Variants in CLEC12A observed in about 807,000 individuals in gnomAD.
CLEC12A encodes the protein C-type lectin protein CLL-1.
CLEC12A carries 22 observed loss-of-function variants against 26.5 expected under a neutral mutation model. That is an observed-to-expected ratio of 0.83 (90% CI 0.59 to 1.19). The LOEUF is 1.19. Among genes scored for constraint, CLEC12A ranks in the 50% most tolerant of loss-of-function variants. CLEC12A has a pLI of 0.00. For synonymous variants in CLEC12A, 119 were observed against 101.9 expected, an observed-to-expected ratio of 1.17 and a Z score of -1.01; for missense variants, 353 against 315.6, an observed-to-expected ratio of 1.12 and a Z score of -0.90.
intron 1 of CLEC12A, among the ~76,000 whole-genome samples, chr12:9,972,604 C>A (rs571818693): frequency 1.0e-3 from 154 of 152,240 alleles, no homozygotes; most frequent in African/African-American, 3.6e-3. Context: ...TGCCAAAATT[C>A]TCACATATTA....
intron 4 of CLEC12A, among the ~76,000 whole-genome samples, chr12:9,994,607 A>T (rs1864985915): frequency 6.6e-6 from 1 of 152,108 alleles, no homozygotes. Context: ...TTGTAGAAGG[A>T]CAAAGCTTCG....
At chr12:9,953,652 G>C (rs1386885085) in intron 1 of CLEC12A, among the ~76,000 whole-genome samples, 25 of 144,820 alleles carry the variant, frequency 1.7e-4, no homozygotes, top group African/African-American at 5.4e-4. Flanking sequence ...CTGCCCGGCC[G>C]CCCCTACTGG....
At position 9,985,395 on chromosome 12, in the gene CLEC12A, G is replaced by A. The variant is rs542812000; in HGVS notation, c.*369G>A. The A allele has an allele frequency of 2.3e-4, 94 of 401,204 alleles. No individual in the cohort carries two copies. Among genetic ancestry groups the A allele is most frequent in the Middle Eastern group, 1.9e-3 (3 of 1,598 alleles). 24.9% of individuals were successfully genotyped at this position (401,204 alleles called of 1,614,324 possible). A position where few individuals can be genotyped will look rare whatever the true frequency, so the allele number is the denominator to read the frequency against. On this transcript the variant is annotated 3_prime_UTR_variant, in exon 6 of 6. Coordinates refer to ENST00000304361, the MANE Select transcript of CLEC12A (RefSeq NM_138337.6). ...GCAAATTTTAATTTTGTCCCACAGCGTTGCTAGGGTGGCATGGCTCCCCAT... is the reference window on the plus strand; with the variant it reads ...GCAAATTTTAATTTTGTCCCACAGCATTGCTAGGGTGGCATGGCTCCCCAT...
intron 4 of CLEC12A, among the ~76,000 whole-genome samples, chr12:9,981,397 T>C (rs896469441): frequency 6.6e-6 from 1 of 152,168 alleles, no homozygotes; most frequent in Non-Finnish European, 1.5e-5. Flanking sequence ...TTAAGCAAAA[T>C]TACCTTTTCT....
intron 1 of CLEC12A, among the ~76,000 whole-genome samples, chr12:9,963,098 T>C (rs890616504): frequency 2.0e-5 from 3 of 152,114 alleles, no homozygotes; most frequent in African/African-American, 7.2e-5. Flanking sequence ...ATGGCCTGGA[T>C]ACGGTTTTGT....
At chr12:9,978,110 G>A (rs980335110) in intron 1 of CLEC12A, among the ~76,000 whole-genome samples, 4 of 152,022 alleles carry the variant, frequency 2.6e-5, no homozygotes, top group Admixed American at 1.3e-4. Flanking sequence ...TCAACTATGA[G>A]ATGTAAGACA....
In CLEC12A at chr12:9,982,075, A is replaced by G; in HGVS notation, c.587A>G (p.Glu196Gly). 6.2e-7 allele frequency: 1 copy of G among 1,602,362 alleles called. No individual in the cohort carries two copies. Among genetic ancestry groups the G allele is most frequent in the Non-Finnish European group, 8.5e-7 (1 of 1,170,150 alleles). The change falls in exon 5 of 6, where the codon GAA becomes GGA. Residue 196 changes from glutamate to glycine, a missense_variant. Glu to Gly is a moderately conservative substitution (Grantham distance 98). Coordinates refer to ENST00000304361, the MANE Select transcript of CLEC12A (RefSeq NM_138337.6). ...GACTATTGGCTGGGATTATCTCCTGAAGAAGATTCCACTCGTGGTATGAGA... is the reference window on the plus strand; with the variant it reads ...GACTATTGGCTGGGATTATCTCCTGGAGAAGATTCCACTCGTGGTATGAGA... Reference protein sequence around the residue: ...SYDYWLGLSPEEDSTRGMRVD... With the variant: ...SYDYWLGLSPGEDSTRGMRVD...
the CLEC12A span, among the ~76,000 whole-genome samples, chr12:10,004,570 T>C: frequency 6.6e-6 from 1 of 151,830 alleles, no homozygotes; most frequent in Non-Finnish European, 1.5e-5. Context: ...TTCATCTGCT[T>C]GTCTTCTCAT....
At chr12:9,964,031 A>G (rs1863884594) in intron 1 of CLEC12A, among the ~76,000 whole-genome samples, 1 of 152,222 alleles carries the variant, frequency 6.6e-6, no homozygotes, top group Non-Finnish European at 1.5e-5. Context: ...AAGGTTACCC[A>G]GGGGAATTCC....
At chr12:9,968,565 T>C (rs1864023254), upstream of CLEC12A, among the ~76,000 whole-genome samples, 1 of 152,084 alleles carries the variant, frequency 6.6e-6, no homozygotes. Flanking sequence ...GAACAGGCCA[T>C]TTTCACTTCT....
intron 1 of CLEC12A, chr12:9,953,284 C>G (rs1218647485): frequency 2.5e-5 from 1 of 40,006 alleles, no homozygotes; most frequent in Non-Finnish European, 4.9e-5. Flanking sequence ...TCAGCCCGGC[C>G]AGCCACCCCG....
downstream of CLEC12A, among the ~76,000 whole-genome samples, chr12:9,988,908 G>A (rs1201226026): frequency 2.6e-5 from 4 of 152,180 alleles, no homozygotes; most frequent in East Asian, 7.7e-4. Context: ...AAAGACACAT[G>A]CACATGTATG....
At chr12:10,006,004 T>G in the CLEC12A span, among the ~76,000 whole-genome samples, 1 of 152,364 alleles carries the variant, frequency 6.6e-6, no homozygotes, top group East Asian at 1.9e-4. Flanking sequence ...GAATGAATCC[T>G]TCTGTCATGT....
At chr12:9,998,848 T>A (rs952476622), downstream of CLEC12A, among the ~76,000 whole-genome samples, 1 of 152,170 alleles carries the variant, frequency 6.6e-6, no homozygotes, top group Non-Finnish European at 1.5e-5. Context: ...CCTGCACATA[T>A]ATTGGATGTT....
the CLEC12A span, among the ~76,000 whole-genome samples, chr12:10,004,908 C>T: frequency 5.3e-5 from 8 of 149,612 alleles, no homozygotes; most frequent in Admixed American, 6.7e-5. Context: ...AATGCTATCC[C>T]TCCCCACTCC....
upstream of CLEC12A, among the ~76,000 whole-genome samples, chr12:9,968,559 A>C (rs1475951834): frequency 1.3e-5 from 2 of 152,182 alleles, no homozygotes; most frequent in African/African-American, 4.8e-5. Flanking sequence ...AGGCAGGAAC[A>C]GGCCATTTTC....
upstream of CLEC12A, among the ~76,000 whole-genome samples, chr12:9,969,598 C>T (rs1864055063): frequency 6.6e-6 from 1 of 152,306 alleles, no homozygotes; most frequent in East Asian, 1.9e-4. Context: ...TACAGTTCGT[C>T]ATATACGCTT....
the CLEC12A span, among the ~76,000 whole-genome samples, chr12:10,001,246 C>T: frequency 6.6e-6 from 1 of 152,038 alleles, no homozygotes; most frequent in Non-Finnish European, 1.5e-5. Flanking sequence ...AAAACATGTC[C>T]CATGTATTTT....
upstream of CLEC12A, among the ~76,000 whole-genome samples, chr12:9,968,108 A>C (rs754738672): frequency 2.6e-5 from 4 of 152,212 alleles, no homozygotes; most frequent in Non-Finnish European, 5.9e-5. Flanking sequence ...AGAGAGTAAA[A>C]AGAGGCCACT....
Sources: gnomAD v4.1 joint callset for allele counts (sites outside exome capture counted in the v4.1 genomes callset) on GRCh38, gnomAD v4.1.1 for gene constraint, MANE v1.5 for transcripts, NCBI Gene and HGNC (gene_info 2026-07-23, HGNC 2026-07-21) for gene names.